The following VWC2L variants were observed in gnomAD, a reference collection of about 807,000 sequenced individuals.
The protein encoded by VWC2L is von Willebrand factor C domain containing 2 like, also known as von Willebrand factor C domain-containing protein 2-like.
VWC2L carries 10 observed loss-of-function variants against 21.6 expected under a neutral mutation model. That is an observed-to-expected ratio of 0.46 (90% CI 0.29 to 0.78). VWC2L has a LOEUF of 0.78. VWC2L is among the 30% of genes least tolerant of loss of function. The pLI, the probability that VWC2L is intolerant of heterozygous loss-of-function variation, is 0.10. For missense variants in VWC2L, 209 were observed against 277.1 expected (o/e 0.75, Z 1.74); for synonymous variants, 96 against 94.3 (o/e 1.02, Z -0.10).
At chr2:214,546,780 T>A (rs1207559383) in intron 3 of VWC2L, among the ~76,000 whole-genome samples, 1 of 152,060 alleles carries the variant, frequency 6.6e-6, no homozygotes, top group Non-Finnish European at 1.5e-5. Context: ...ACAAGTGACA[T>A]GAGTGAAATG....
chr2:214,501,860 G>A (rs1688897260), intron 3 of VWC2L, among the ~76,000 whole-genome samples: 1 of 152,174 alleles, frequency 6.6e-6, no homozygotes, highest in Non-Finnish European at 1.5e-5. Flanking sequence ...CAGGCCACGA[G>A]GAAAGGTCAC....
intron 3 of VWC2L, among the ~76,000 whole-genome samples, chr2:214,442,450 A>C (rs1277129058): frequency 6.6e-6 from 1 of 152,210 alleles, no homozygotes; most frequent in African/African-American, 2.4e-5. Flanking sequence ...TCACTAAAAA[A>C]TCAAATTAGA....
At chr2:214,481,146 G>A (rs1257080164) in intron 3 of VWC2L, among the ~76,000 whole-genome samples, 1 of 152,116 alleles carries the variant, frequency 6.6e-6, no homozygotes, top group African/African-American at 2.4e-5. Flanking sequence ...CCTTTTCAAT[G>A]TGACTCTGCT....
chr2:214,476,450 T>C (rs931395222), intron 3 of VWC2L, among the ~76,000 whole-genome samples: 7 of 152,118 alleles, frequency 4.6e-5, no homozygotes, highest in African/African-American at 7.2e-5. Flanking sequence ...GTATCAAATG[T>C]CAAGTACAAA....
At chr2:214,508,037 C>A (rs1314986845) in intron 3 of VWC2L, among the ~76,000 whole-genome samples, 1 of 152,066 alleles carries the variant, frequency 6.6e-6, no homozygotes, top group Non-Finnish European at 1.5e-5. Context: ...AGTGCAGTGG[C>A]GTGATCTCGG....
chr2:214,573,199 C>T (rs772887614), intron 3 of VWC2L, among the ~76,000 whole-genome samples: 4 of 152,006 alleles, frequency 2.6e-5, no homozygotes, highest in Admixed American at 6.6e-5. Context: ...ACTGATATTA[C>T]CCAGCCTCCC....
intron 3 of VWC2L, among the ~76,000 whole-genome samples, chr2:214,519,604 T>C (rs1248513488): frequency 3.3e-5 from 5 of 152,200 alleles, no homozygotes; most frequent in African/African-American, 1.2e-4. Flanking sequence ...AACAGTGTGA[T>C]GGTTAAATTC....
intron 3 of VWC2L, among the ~76,000 whole-genome samples, chr2:214,488,944 C>G (rs1688710249): frequency 6.6e-6 from 1 of 152,190 alleles, no homozygotes; most frequent in Non-Finnish European, 1.5e-5. Context: ...GGATCCACCC[C>G]CATCACCCAA....
intron 3 of VWC2L, among the ~76,000 whole-genome samples, chr2:214,457,723 T>C (rs1221403895): frequency 6.6e-6 from 1 of 152,172 alleles, no homozygotes. Context: ...TCTCTGTGAC[T>C]CTTGAGATGA....
At chr2:214,425,769 T>C (rs1574557929) in intron 2 of VWC2L, among the ~76,000 whole-genome samples, 1 of 152,190 alleles carries the variant, frequency 6.6e-6, no homozygotes, top group Admixed American at 6.5e-5. Context: ...TACCAAAATA[T>C]AGAAGACAGA....
chr2:214,477,080 TGCTAAA>T (rs1419180143), intron 3 of VWC2L, among the ~76,000 whole-genome samples: 224 of 152,346 alleles, frequency 1.5e-3, no homozygotes, highest in Non-Finnish European at 2.5e-3. Flanking sequence ...ATTTTCCATT[TGCTAAA>T]GCTACGTGAC....
intron 3 of VWC2L, among the ~76,000 whole-genome samples, chr2:214,554,457 A>G (rs1418652630): frequency 6.6e-6 from 1 of 152,122 alleles, no homozygotes; most frequent in East Asian, 1.9e-4. Context: ...TGAAGTCAGG[A>G]GTTCAAGACC....
chr2:214,525,450 TAA>T (rs1689318481), intron 3 of VWC2L: 3 of 152,150 alleles, frequency 2.0e-5, no homozygotes, highest in Admixed American at 2.0e-4. Flanking sequence ...CCAGAGTCAA[TAA>T]GTTTGGGAAA....
intron 3 of VWC2L, among the ~76,000 whole-genome samples, chr2:214,484,816 C>T (rs532182635): frequency 6.6e-6 from 1 of 152,252 alleles, no homozygotes; most frequent in South Asian, 2.1e-4. Flanking sequence ...TTGGCCTTTG[C>T]AAGCTAAATG....
At chr2:214,495,618 C>T (rs1164351053) in intron 3 of VWC2L, among the ~76,000 whole-genome samples, 1 of 152,116 alleles carries the variant, frequency 6.6e-6, no homozygotes, top group African/African-American at 2.4e-5. Flanking sequence ...GGTTCCTCAT[C>T]TGTAAATGAG....
At position 214,492,613 on chromosome 2, in the gene VWC2L, G is replaced by A. The variant is rs1395815188; in HGVS notation, c.520+55855G>A. ...GTTAAAATGAATGTGTTCACTTATC[G>A]TGTGTATATAAATTTTTTGGTAAAT... On this transcript the variant is annotated intron_variant, in intron 3 of 3. Coordinates refer to ENST00000312504, the MANE Select transcript of VWC2L (RefSeq NM_001080500.4). Among the ~76,000 whole-genome samples, 10 of 152,218 alleles carry A rather than the reference G, an allele frequency of 6.6e-5. No individual in the cohort carries two copies. The East Asian group carries it at 9.6e-4, about 15-fold the overall frequency.
At chr2:214,456,541 T>A (rs916911598) in intron 3 of VWC2L, among the ~76,000 whole-genome samples, 2 of 152,166 alleles carry the variant, frequency 1.3e-5, no homozygotes, top group African/African-American at 4.8e-5. Context: ...CTGTTGATTG[T>A]ATTCTTTGCT....
chr2:214,498,018 T>C (rs1241023745), intron 3 of VWC2L, among the ~76,000 whole-genome samples: 3 of 152,142 alleles, frequency 2.0e-5, no homozygotes, highest in South Asian at 2.1e-4. Flanking sequence ...ATGAATCTAA[T>C]GAACATGTGG....
intron 3 of VWC2L, among the ~76,000 whole-genome samples, chr2:214,519,596 C>T (rs561789501): frequency 6.6e-6 from 1 of 152,198 alleles, no homozygotes; most frequent in Non-Finnish European, 1.5e-5. Context: ...CTGGCCACAA[C>T]AGTGTGATGG....
Sources: allele counts gnomAD v4.1 joint callset (sites outside exome capture counted in the v4.1 genomes callset), GRCh38; gene constraint gnomAD v4.1.1; transcripts MANE v1.5; gene names NCBI Gene and HGNC (gene_info 2026-07-23, HGNC 2026-07-21).